UGT1A10: variants seen among roughly 807,000 people sequenced by gnomAD.
The protein encoded by UGT1A10 is UDP-glucuronosyltransferase 1A10.
A neutral mutation model predicts 45.8 loss-of-function variants in UGT1A10; 49 were observed. The ratio of observed to expected loss-of-function variants is 1.07; its 90% confidence interval spans 0.85 to 1.36. The LOEUF is 1.36. UGT1A10 is among the 40% of genes most tolerant of loss of function. UGT1A10 has a pLI of 0.00. For missense variants in UGT1A10, 745 were observed against 668.6 expected (o/e 1.11, Z -1.26); for synonymous variants, 284 against 249.7 (o/e 1.14, Z -1.29).
chr2:233,639,034 C>T (rs1435132253), intron 1 of UGT1A10, among the ~76,000 whole-genome samples: 1 of 152,206 alleles, frequency 6.6e-6, no homozygotes, highest in East Asian at 1.9e-4. Context: ...TGAGGATCTG[C>T]CACTTCCTGA....
chr2:233,721,917 A>C (rs2076979949), intron 1 of UGT1A10: 1 of 410,562 alleles, frequency 2.4e-6, no homozygotes, highest in Admixed American at 2.7e-5. Flanking sequence ...CACTGCTTCC[A>C]TAAAGTGACA....
At position 233,719,073 on chromosome 2, in the gene UGT1A10, A is replaced by C. The variant is rs1195063088; in HGVS notation, c.856-47961A>C. Reference sequence around the variant, plus strand: ...CCTGACAGCCTATGCTGTTCCATGGACCCAGAAGGAATTTGATCGCGTTAC... The same window carrying C: ...CCTGACAGCCTATGCTGTTCCATGGCCCCAGAAGGAATTTGATCGCGTTAC... On this transcript the variant is annotated intron_variant, in intron 1 of 4. Coordinates refer to ENST00000344644, the MANE Select transcript of UGT1A10 (RefSeq NM_019075.4). The C allele has an allele frequency of 3.7e-6, 6 of 1,614,126 alleles. No homozygotes were observed. The African/African-American group carries it at 8.0e-5, about 22-fold the overall frequency.
intron 1 of UGT1A10, among the ~76,000 whole-genome samples, chr2:233,646,529 T>C (rs188562315): frequency 6.6e-6 from 1 of 152,336 alleles, no homozygotes; most frequent in Non-Finnish European, 1.5e-5. Context: ...CTTTGCTTTT[T>C]AAAAATTTCT....
intron 1 of UGT1A10, among the ~76,000 whole-genome samples, chr2:233,716,363 G>A (rs914574200): frequency 6.6e-6 from 1 of 152,108 alleles, no homozygotes; most frequent in Non-Finnish European, 1.5e-5. Context: ...ATACTTTGTG[G>A]GGCTGTGATT....
At chr2:233,755,452 C>A in intron 1 of UGT1A10, 1 of 306,372 alleles carries the variant, frequency 3.3e-6, no homozygotes, top group South Asian at 3.0e-5. Flanking sequence ...GCTCCTGGGA[C>A]TGGCCCTGCT....
intron 1 of UGT1A10, among the ~76,000 whole-genome samples, chr2:233,697,712 T>C (rs1003078793): frequency 2.0e-5 from 3 of 152,126 alleles, no homozygotes; most frequent in East Asian, 1.9e-4. Flanking sequence ...CATTTATTGT[T>C]AAAAACTTCT....
intron 1 of UGT1A10, among the ~76,000 whole-genome samples, chr2:233,752,979 T>C (rs993600275): frequency 5.3e-5 from 8 of 152,202 alleles, no homozygotes; most frequent in Non-Finnish European, 1.0e-4. Context: ...ATTGTGTAGA[T>C]ACAAACCCAC....
intron 1 of UGT1A10, chr2:233,693,997 C>T (rs2075194295): frequency 2.7e-6 from 4 of 1,507,132 alleles, no homozygotes; most frequent in Non-Finnish European, 3.6e-6. Flanking sequence ...TGATACCCGG[C>T]TCGGAGCAGC....
At chr2:233,770,826 A>G (rs1269125180) in intron 4 of UGT1A10, 5 of 152,196 alleles carry the variant, frequency 3.3e-5, no homozygotes, top group Admixed American at 3.3e-4. Context: ...CTGTTCTTGC[A>G]TTGCTGTAAA....
chr2:233,661,017 A>G (rs2073951926), intron 1 of UGT1A10, among the ~76,000 whole-genome samples: 1 of 152,120 alleles, frequency 6.6e-6, no homozygotes, highest in African/African-American at 2.4e-5. Context: ...TTCTCAGGTC[A>G]TATTAGAGTA....
At chr2:233,652,035 G>T (rs1194903044) in intron 1 of UGT1A10, among the ~76,000 whole-genome samples, 2 of 152,086 alleles carry the variant, frequency 1.3e-5, no homozygotes, top group Admixed American at 6.5e-5. Flanking sequence ...TTAGTTTTTG[G>T]TGAGTTCCAG....
Position 233,689,262 on chromosome 2 carries a change from G to A in UGT1A10, c.855+51885G>A, listed in dbSNP as rs575130382. Among the ~76,000 whole-genome samples the A allele has an allele frequency of 5.8e-4, 89 of 152,272 alleles. 1 individual carries two copies. The highest frequency in any genetic ancestry group is 1.9e-3 in the African/African-American group (78 of 41,550). On this transcript the variant is annotated intron_variant, in intron 1 of 4. Coordinates refer to ENST00000344644, the MANE Select transcript of UGT1A10 (RefSeq NM_019075.4). The stretch of plus-strand genomic sequence containing the variant: ...TGTGAGTGATTCAGACTTGACTATT[G>A]TTATCATACTAAACTAAACTGGGGT...
chr2:233,637,309 A>T lies in UGT1A10; in HGVS notation c.787A>T (p.Lys263Ter). 1 of 1,613,970 alleles carries T rather than the reference A, an allele frequency of 6.2e-7. No individual in the cohort carries two copies. The highest frequency in any genetic ancestry group is 8.5e-7 in the Non-Finnish European group (1 of 1,179,852). The change falls in exon 1 of 5, where the codon AAA becomes TAA. Residue 263 changes from lysine to a stop codon, truncating the protein, a stop_gained. Coordinates refer to ENST00000344644, the MANE Select transcript of UGT1A10 (RefSeq NM_019075.4). LOFTEE classifies it high-confidence loss of function. ...LRTDFVLDYP[K>*]PVMPNMIFIG... is the part of the protein sequence containing the mutation. ...AACGGACTTTGTTTTGGACTATCCC[A>T]AACCCGTGATGCCCAACATGATCTT...
intron 1 of UGT1A10, among the ~76,000 whole-genome samples, chr2:233,673,584 A>T (rs1259328200): frequency 6.6e-6 from 1 of 152,204 alleles, no homozygotes; most frequent in Non-Finnish European, 1.5e-5. Context: ...CTGTTCAGGA[A>T]TATGTATGTC....
chr2:233,649,716 C>A (rs2073692810), intron 1 of UGT1A10, among the ~76,000 whole-genome samples: 1 of 152,166 alleles, frequency 6.6e-6, no homozygotes, highest in African/African-American at 2.4e-5. Context: ...ATTTGGCTAA[C>A]TTCTTCAAAA....
chr2:233,691,597 G>A (rs913844401), intron 1 of UGT1A10: 3 of 985,688 alleles, frequency 3.0e-6, no homozygotes, highest in Non-Finnish European at 3.6e-6. Context: ...TTCTACACAG[G>A]TCTTGCTCTG....
intron 1 of UGT1A10, among the ~76,000 whole-genome samples, chr2:233,661,212 T>C (rs1248587156): frequency 6.6e-6 from 1 of 152,022 alleles, no homozygotes; most frequent in Non-Finnish European, 1.5e-5. Flanking sequence ...GTCTGGTCTA[T>C]TTTCCTACCT....
intron 1 of UGT1A10, among the ~76,000 whole-genome samples, chr2:233,644,193 G>T (rs2073539006): frequency 6.6e-6 from 1 of 152,150 alleles, no homozygotes; most frequent in South Asian, 2.1e-4. Flanking sequence ...AGACCATTTT[G>T]GCCCTCGGTG....
intron 1 of UGT1A10, among the ~76,000 whole-genome samples, chr2:233,644,453 A>G (rs1462557069): frequency 6.6e-6 from 1 of 152,174 alleles, no homozygotes; most frequent in East Asian, 1.9e-4. Context: ...CGGTAATCCC[A>G]GCTACTCAGG....
Sources: gnomAD v4.1 joint callset for allele counts (sites outside exome capture counted in the v4.1 genomes callset) on GRCh38, gnomAD v4.1.1 for gene constraint, MANE v1.5 for transcripts, NCBI Gene and HGNC (gene_info 2026-07-23, HGNC 2026-07-21) for gene names.